The following LBR variants were observed in gnomAD, a reference collection of about 807,000 sequenced individuals.
LBR encodes lamin B receptor.
LBR carries 28 observed loss-of-function variants against 74.3 expected under a neutral mutation model. That is an observed-to-expected ratio of 0.38 (90% CI 0.28 to 0.52). LBR has a LOEUF of 0.52. Ranked by LOEUF, LBR falls within the 20% of genes least tolerant of loss-of-function variation. The pLI is 0.89. For missense variants in LBR, 717 were observed against 760.3 expected (o/e 0.94, Z 0.67); for synonymous variants, 228 against 269.3 (o/e 0.85, Z 1.50).
chr1:225,412,405 G>T, intron 8 of LBR, 49 bp downstream of exon 8: 1 of 1,550,540 alleles, frequency 6.4e-7, no homozygotes, highest in South Asian at 1.1e-5. Flanking sequence ...AATGGCTGCT[G>T]GAGGGCTCTG....
Position 225,422,336 on chromosome 1 carries a change from C to T in LBR, c.166-59G>A, listed in dbSNP as rs1458258672. 3.7e-6 allele frequency: 5 copies of T among 1,355,006 alleles called. No homozygotes were observed. In the East Asian group the frequency reaches 7.0e-5, roughly 19 times the overall value. The allele number at this position is 1,355,006 out of a possible 1,614,324, so 83.9% of individuals were successfully genotyped here. A position where few individuals can be genotyped will look rare whatever the true frequency, so the allele number is the denominator to read the frequency against. On this transcript the variant is annotated intron_variant, in intron 2 of 13. Coordinates refer to ENST00000272163, the MANE Select transcript of LBR (RefSeq NM_002296.4). The stretch of plus-strand genomic sequence containing the variant: ...ACAAATCATAACACATACAGACAGA[C>T]CCACACTAGAAGAGGATAACAAAGG...
At position 225,426,613 on chromosome 1, in the gene LBR, GTC is replaced by G. The variant is rs1392968403; in HGVS notation, c.-15+1339_-15+1340del. 2.6e-5 allele frequency among the ~76,000 whole-genome samples: 4 copies of G among 152,094 alleles called. No homozygotes were observed. In the East Asian group the frequency reaches 5.8e-4, roughly 22 times the overall value. On this transcript the variant is annotated intron_variant, in intron 1 of 13. Transcript: ENST00000272163. ...TTCTCTGCTCATTAACATTACAGGGGTCTCCAGCCATCTTTCCTTCACTTCTC... is the reference window on the plus strand; with the variant it reads ...TTCTCTGCTCATTAACATTACAGGGGTCCAGCCATCTTTCCTTCACTTCTC...
At chr1:225,428,416 G>A (rs761623679), upstream of LBR, among the ~76,000 whole-genome samples, 7 of 152,218 alleles carry the variant, frequency 4.6e-5, no homozygotes, top group Admixed American at 4.6e-4. Context: ...GGGGTGCCAG[G>A]TGGCTTGGCG....
intron 3 of LBR, 110 bp from the exon 4 acceptor site, chr1:225,419,908 CA>C: frequency 1.2e-6 from 1 of 813,608 alleles, no homozygotes. Context: ...AGATTTTTCA[CA>C]GCCTTAATTC....
At chr1:225,407,899 T>C (rs546643170) in intron 10 of LBR, among the ~76,000 whole-genome samples, 1 of 148,460 alleles carries the variant, frequency 6.7e-6, no homozygotes, top group Non-Finnish European at 1.5e-5. Flanking sequence ...TTATTCTCTT[T>C]AAAAAAAAAA....
In LBR at chr1:225,422,295, G is replaced by A. The variant is rs200027870; in HGVS notation, c.166-18C>T. On this transcript the variant is annotated intron_variant, in intron 2 of 13. Transcript: ENST00000272163. Reference sequence around the variant, plus strand: ...GTTAAAGGCTAGAAAGGGGGAAGAAGGCAAAGAGCTTTACCACAAATCATA... The same window carrying A: ...GTTAAAGGCTAGAAAGGGGGAAGAAAGCAAAGAGCTTTACCACAAATCATA... 7 of 1,602,064 alleles carry A rather than the reference G, an allele frequency of 4.4e-6. No individual in the cohort carries two copies. The East Asian group carries it at 1.3e-4, about 31-fold the overall frequency.
upstream of LBR, among the ~76,000 whole-genome samples, chr1:225,428,191 C>T (rs924491205): frequency 1.3e-5 from 2 of 152,054 alleles, no homozygotes; most frequent in African/African-American, 2.4e-5. Flanking sequence ...TTGAATCATC[C>T]CCGGCGCTGT....
chr1:225,410,984 C>G (rs555741923), intron 9 of LBR, among the ~76,000 whole-genome samples: 2 of 152,336 alleles, frequency 1.3e-5, no homozygotes, highest in East Asian at 3.9e-4. Context: ...TGGAAGGGAA[C>G]TCTTTGCTCT....
chr1:225,426,134 C>G (rs1380814884), intron 1 of LBR, among the ~76,000 whole-genome samples: 1 of 152,212 alleles, frequency 6.6e-6, no homozygotes, highest in Non-Finnish European at 1.5e-5. Flanking sequence ...AATGAACCGG[C>G]ATTCTTCTTA....
At chr1:225,428,243 T>A (rs1322644259), upstream of LBR, among the ~76,000 whole-genome samples, 1 of 151,810 alleles carries the variant, frequency 6.6e-6, no homozygotes, top group Non-Finnish European at 1.5e-5. Flanking sequence ...CGCCCCACCC[T>A]GCCTGGGGGC....
In LBR at chr1:225,411,435, C is replaced by T. The variant is rs192884088; in HGVS notation, c.1090G>A (p.Ala364Thr). Residue 364 changes from alanine (A) to threonine (T), a missense_variant, in exon 9 of 14, where the codon GCT becomes ACT. Ala to Thr is a moderately conservative substitution (Grantham distance 58). Coordinates refer to ENST00000272163, the MANE Select transcript of LBR (RefSeq NM_002296.4). ...NDLSPASSGN[A>T]VYDFFIGREL... ...CGGCCAATGAAGAAATCATAGACAGCATTTCCTGAGAAAGGAAAAGTGTTT... is the reference window on the plus strand; with the variant it reads ...CGGCCAATGAAGAAATCATAGACAGTATTTCCTGAGAAAGGAAAAGTGTTT... 1.2e-5 allele frequency: 19 copies of T among 1,611,600 alleles called. No individual in the cohort carries two copies. The East Asian group carries it at 4.0e-4, about 34-fold the overall frequency.
At chr1:225,423,872 T>A (rs775688812) in intron 2 of LBR, 39 bp downstream of exon 2, 1 of 1,574,234 alleles carries the variant, frequency 6.4e-7, no homozygotes, top group Non-Finnish European at 8.7e-7. Context: ...ATTTCCCACT[T>A]ACTGTAAACA....
At chr1:225,424,111 A>C (rs2096134376) in intron 1 of LBR, 22 bp from the exon 2 acceptor site, 2 of 1,537,974 alleles carry the variant, frequency 1.3e-6, no homozygotes, top group Admixed American at 3.3e-5. Context: ...TAAAGAAAAA[A>C]ATTTGAGTCA....
chr1:225,415,246 C>T (rs747384174), intron 7 of LBR, 32 bp downstream of exon 7: 30 of 1,360,668 alleles, frequency 2.2e-5, no homozygotes, highest in Non-Finnish European at 3.1e-5. Context: ...GCTATCAAAT[C>T]ATCAATTTGA....
intron 6 of LBR, chr1:225,417,621 T>C (rs2150954331): frequency 5.0e-6 from 1 of 200,634 alleles, no homozygotes; most frequent in African/African-American, 2.3e-5. Context: ...GAATTTTTTT[T>C]CCATAGCAAC....
intron 6 of LBR, among the ~76,000 whole-genome samples, chr1:225,416,437 T>C (rs1384963247): frequency 6.6e-6 from 1 of 152,206 alleles, no homozygotes; most frequent in Non-Finnish European, 1.5e-5. Context: ...AATATAAATA[T>C]AGTATCATTT....
intron 6 of LBR, 136 bp downstream of exon 6, chr1:225,417,848 T>C (rs1260255840): frequency 7.9e-6 from 6 of 763,980 alleles, no homozygotes; most frequent in Non-Finnish European, 1.4e-5. Flanking sequence ...CTGGGCAGCA[T>C]GGCACAGGCC....
intron 10 of LBR, among the ~76,000 whole-genome samples, chr1:225,407,884 G>C (rs141938694): frequency 6.6e-6 from 1 of 151,712 alleles, no homozygotes; most frequent in Non-Finnish European, 1.5e-5. Context: ...GTTAACCAGA[G>C]TACTTTATTC....
In LBR at chr1:225,419,299, T is replaced by C. The variant is rs2096123142; in HGVS notation, c.604A>G (p.Ile202Val). The C allele has an allele frequency of 1.2e-6, 2 of 1,614,108 alleles. No individual in the cohort carries two copies. The highest frequency in any genetic ancestry group is 1.7e-5 in the Admixed American group (1 of 60,014). The part of the protein sequence containing the change: ...LAVRTFEVTP[I>V]RAKDLEFGGV... ...CCAAACTCCAAGTCCTTTGCCCGGA[T>C]GGGGGTCACTTCAAAGGTTCTCACT... Residue 202 changes from isoleucine to valine, a missense_variant, in exon 5 of 14, where the codon ATC (isoleucine) becomes GTC (valine). Coordinates refer to ENST00000272163, the MANE Select transcript of LBR (RefSeq NM_002296.4).
Sources: gnomAD v4.1 joint callset for allele counts (sites outside exome capture counted in the v4.1 genomes callset) on GRCh38, gnomAD v4.1.1 for gene constraint, MANE v1.5 for transcripts, NCBI Gene and HGNC (gene_info 2026-07-23, HGNC 2026-07-21) for gene names.